Variants in FHIT observed in about 807,000 individuals in gnomAD.
The protein encoded by FHIT is fragile histidine triad diadenosine triphosphatase.
Under a neutral mutation model 17.9 loss-of-function variants are expected in FHIT, and 19 were observed. The observed-to-expected ratio is 1.06, with a 90% CI of 0.74 to 1.56. The LOEUF (loss-of-function observed/expected upper bound fraction) is 1.56, where lower values mean the gene tolerates loss of function less well. Among genes scored for constraint, FHIT ranks in the 40% most tolerant of loss-of-function variants. The pLI is 0.00. For synonymous variants in FHIT, 81 were observed against 69.7 expected, an observed-to-expected ratio of 1.16 and a Z score of -0.81; for missense variants, 248 against 189.2, an observed-to-expected ratio of 1.31 and a Z score of -1.82.
intron 3 of FHIT, among the ~76,000 whole-genome samples, chr3:61,028,909 A>C (rs1180665939): frequency 6.6e-6 from 1 of 152,096 alleles, no homozygotes; most frequent in Non-Finnish European, 1.5e-5. Context: ...AAGAAAAAAA[A>C]AAACAGAGAT....
intron 4 of FHIT, among the ~76,000 whole-genome samples, chr3:60,691,052 G>A (rs1222617377): frequency 3.3e-5 from 5 of 152,096 alleles, no homozygotes; most frequent in African/African-American, 1.2e-4. Context: ...AAATTACCAA[G>A]TTGAAATGAT....
intron 5 of FHIT, among the ~76,000 whole-genome samples, chr3:60,199,184 T>C (rs1017407487): frequency 1.3e-5 from 2 of 152,192 alleles, no homozygotes; most frequent in Non-Finnish European, 2.9e-5. Context: ...CTTTTATTCC[T>C]GTGATTCCCC....
At chr3:60,470,058 T>TTCTTTCTC (rs1323971036) in intron 5 of FHIT, among the ~76,000 whole-genome samples, 3 of 142,942 alleles carry the variant, frequency 2.1e-5, no homozygotes, top group African/African-American at 8.1e-5. Context: ...CTCTCTTTCT[T>TTCTTTCTC]TCTCTCTCTC....
At chr3:60,712,504 C>T (rs546907843) in intron 4 of FHIT, among the ~76,000 whole-genome samples, 14 of 151,408 alleles carry the variant, frequency 9.2e-5, no homozygotes, top group African/African-American at 7.3e-5. Context: ...GAGTCAAGAC[C>T]CATCAGTGTG....
chr3:60,641,774 T>G (rs539168987), intron 4 of FHIT, among the ~76,000 whole-genome samples: 1 of 152,124 alleles, frequency 6.6e-6, no homozygotes, highest in Non-Finnish European at 1.5e-5. Context: ...CAGATTCTGA[T>G]GGCATCAGTC....
intron 8 of FHIT, among the ~76,000 whole-genome samples, chr3:59,783,263 G>A (rs1269322247): frequency 1.3e-5 from 2 of 152,176 alleles, no homozygotes; most frequent in East Asian, 1.9e-4. Flanking sequence ...GAGGTCAAGA[G>A]ATCGAGACCA....
At chr3:59,957,304 G>C (rs1707453411) in intron 7 of FHIT, among the ~76,000 whole-genome samples, 1 of 152,228 alleles carries the variant, frequency 6.6e-6, no homozygotes, top group African/African-American at 2.4e-5. Flanking sequence ...GTGCATTCGA[G>C]AGAAAAGATT....
intron 7 of FHIT, among the ~76,000 whole-genome samples, chr3:59,925,271 C>CT (rs1232226635): frequency 3.9e-5 from 6 of 151,944 alleles, no homozygotes; most frequent in African/African-American, 1.2e-4. Context: ...ATCAAGCTAA[C>CT]TTTTTTTCAT....
At chr3:59,898,016 C>G (rs1409099432) in intron 8 of FHIT, among the ~76,000 whole-genome samples, 1 of 152,138 alleles carries the variant, frequency 6.6e-6, no homozygotes, top group Non-Finnish European at 1.5e-5. Context: ...ATCTGCCCGC[C>G]TTGGCCTCCC....
At chr3:60,520,542 C>T (rs928000668) in intron 5 of FHIT, among the ~76,000 whole-genome samples, 2 of 152,126 alleles carry the variant, frequency 1.3e-5, no homozygotes, top group African/African-American at 2.4e-5. Flanking sequence ...CTAGTCCAAA[C>T]CTTTCCAGCA....
chr3:60,499,019 C>A (rs1251148004), intron 5 of FHIT, among the ~76,000 whole-genome samples: 4 of 147,674 alleles, frequency 2.7e-5, no homozygotes, highest in African/African-American at 7.6e-5. Context: ...AAAGCAATAG[C>A]GTGATAGATG....
intron 5 of FHIT, among the ~76,000 whole-genome samples, chr3:60,354,749 G>A (rs541190586): frequency 5.5e-4 from 83 of 152,236 alleles, no homozygotes; most frequent in African/African-American, 1.9e-3. Context: ...AATATCTGAT[G>A]GCTGATTCTG....
At chr3:60,199,886 C>G (rs1023404095) in intron 5 of FHIT, among the ~76,000 whole-genome samples, 5 of 152,034 alleles carry the variant, frequency 3.3e-5, no homozygotes, top group African/African-American at 1.2e-4. Context: ...ACATAGGGGA[C>G]TAAAAATGTG....
At chr3:60,694,719 G>T (rs1577077485) in intron 4 of FHIT, among the ~76,000 whole-genome samples, 1 of 152,102 alleles carries the variant, frequency 6.6e-6, no homozygotes, top group South Asian at 2.1e-4. Context: ...ATACACAATG[G>T]AATACTATGC....
At chr3:59,760,506 C>A (rs1449471508) in intron 8 of FHIT, among the ~76,000 whole-genome samples, 1 of 151,890 alleles carries the variant, frequency 6.6e-6, no homozygotes, top group Non-Finnish European at 1.5e-5. Context: ...CCTATATAAA[C>A]CTCCACGAAC....
At chr3:60,467,374 C>T (rs1576706738) in intron 5 of FHIT, among the ~76,000 whole-genome samples, 1 of 151,610 alleles carries the variant, frequency 6.6e-6, no homozygotes, top group East Asian at 1.9e-4. Flanking sequence ...TTTCCTTCTA[C>T]TAATTTTGGG....
intron 5 of FHIT, among the ~76,000 whole-genome samples, chr3:60,110,858 T>G (rs1316403779): frequency 1.3e-5 from 2 of 152,208 alleles, no homozygotes; most frequent in African/African-American, 4.8e-5. Context: ...ATTTTTCATG[T>G]TTCAATTATG....
chr3:59,975,646 G>C (rs1708376967), intron 7 of FHIT, among the ~76,000 whole-genome samples: 1 of 151,992 alleles, frequency 6.6e-6, no homozygotes, highest in Non-Finnish European at 1.5e-5. Flanking sequence ...AAGAGAGCAG[G>C]AGAGAAGGAA....
intron 1 of FHIT, among the ~76,000 whole-genome samples, chr3:61,203,369 T>G (rs1980310): frequency 0.43 from 64,418 of 149,192 alleles, 14,274 homozygotes; most frequent in East Asian, 0.58. Flanking sequence ...AAAAGAAAAA[T>G]TATATGCCCA....
Sources: gnomAD v4.1 joint callset for allele counts (sites outside exome capture counted in the v4.1 genomes callset) on GRCh38, gnomAD v4.1.1 for gene constraint, MANE v1.5 for transcripts, NCBI Gene and HGNC (gene_info 2026-07-23, HGNC 2026-07-21) for gene names.